Variants in AGO3 observed in about 807,000 individuals in gnomAD.
AGO3 encodes protein argonaute-3.
In AGO3, 16 loss-of-function variants were observed where a neutral mutation model predicts 105.5. That is an observed-to-expected ratio of 0.15 (90% CI 0.10 to 0.23). The LOEUF (loss-of-function observed/expected upper bound fraction) is 0.23. Among genes scored for constraint, AGO3 ranks in the 10% least tolerant of loss-of-function variants. AGO3 has a pLI of 1.00. For synonymous variants in AGO3, 340 were observed against 367.3 expected (o/e 0.93, Z 0.85); for missense variants, 534 against 1,088.0 (o/e 0.49, Z 7.16).
chr1:36,010,488 C>T (rs1309809004), intron 9 of AGO3, among the ~76,000 whole-genome samples: 2 of 151,210 alleles, frequency 1.3e-5, no homozygotes, highest in Non-Finnish European at 3.0e-5. Context: ...TCTGTAATCC[C>T]AGCTAGTCAG....
intron 11 of AGO3, among the ~76,000 whole-genome samples, chr1:36,018,453 GGTT>G (rs1330840460): frequency 6.6e-6 from 1 of 151,050 alleles, no homozygotes; most frequent in Admixed American, 6.6e-5. Context: ...TTTGTTTTTT[GGTT>G]TTTGTTTTGA....
intron 17 of AGO3, among the ~76,000 whole-genome samples, chr1:36,051,971 T>C (rs1642734774): frequency 1.3e-5 from 2 of 152,166 alleles, no homozygotes; most frequent in Admixed American, 1.3e-4. Context: ...TTGGTGGCAA[T>C]GTACATTAGT....
intron 5 of AGO3, among the ~76,000 whole-genome samples, chr1:35,997,503 A>G (rs1409864000): frequency 6.6e-6 from 1 of 152,196 alleles, no homozygotes; most frequent in Admixed American, 6.5e-5. Context: ...ACAAGGGTAC[A>G]GTGTACTGTG....
At chr1:35,940,803 T>C (rs1371193554) in intron 1 of AGO3, among the ~76,000 whole-genome samples, 1 of 152,192 alleles carries the variant, frequency 6.6e-6, no homozygotes, top group African/African-American at 2.4e-5. Context: ...AGGGTACCAC[T>C]CTCTCCAGGT....
At chr1:35,938,800 A>G (rs1459500679) in intron 1 of AGO3, among the ~76,000 whole-genome samples, 1 of 152,174 alleles carries the variant, frequency 6.6e-6, no homozygotes, top group African/African-American at 2.4e-5. Context: ...ATAAGTTAGT[A>G]ATTGGCTATA....
chr1:35,980,354 T>C (rs1054479824), intron 5 of AGO3, among the ~76,000 whole-genome samples: 3 of 152,260 alleles, frequency 2.0e-5, no homozygotes, highest in African/African-American at 7.2e-5. Flanking sequence ...TCATATATTC[T>C]ACTCTTAACA....
At chr1:35,965,473 G>C (rs1475110387) in intron 2 of AGO3, among the ~76,000 whole-genome samples, 1 of 120,520 alleles carries the variant, frequency 8.3e-6, no homozygotes, top group African/African-American at 3.3e-5. Context: ...CTGCGTGACA[G>C]AGCAAGACGC....
chr1:36,029,483 C>T (rs1641667599), intron 12 of AGO3, among the ~76,000 whole-genome samples: 1 of 150,518 alleles, frequency 6.6e-6, no homozygotes, highest in African/African-American at 2.4e-5. Context: ...CAAGCTCTGC[C>T]TCCTGGGTTC....
At chr1:36,003,709 A>AAAAAAAAAAAATATAT (rs1295618675) in intron 5 of AGO3, among the ~76,000 whole-genome samples, 5 of 99,430 alleles carry the variant, frequency 5.0e-5, no homozygotes, top group Non-Finnish European at 9.7e-5. Flanking sequence ...AAAAAAAAAA[A>AAAAAAAAAAAATATAT]ATATATATAT....
chr1:35,995,671 A>G (rs1648261700), intron 5 of AGO3, among the ~76,000 whole-genome samples: 1 of 152,152 alleles, frequency 6.6e-6, no homozygotes, highest in Non-Finnish European at 1.5e-5. Context: ...ATGATCTTGG[A>G]CGAGGCAAAG....
intron 5 of AGO3, among the ~76,000 whole-genome samples, chr1:35,974,005 CA>C (rs1373485590): frequency 1.3e-5 from 2 of 152,128 alleles, no homozygotes; most frequent in Admixed American, 6.5e-5. Context: ...AGCCATTACT[CA>C]GATTGTCAGA....
intron 11 of AGO3, among the ~76,000 whole-genome samples, chr1:36,021,692 A>G (rs1641233875): frequency 6.6e-6 from 1 of 152,220 alleles, no homozygotes; most frequent in African/African-American, 2.4e-5. Context: ...TATGTCAAAG[A>G]TTGAAAACAC....
intron 4 of AGO3, among the ~76,000 whole-genome samples, chr1:35,972,867 T>C (rs1339805135): frequency 6.7e-6 from 1 of 148,692 alleles, no homozygotes; most frequent in Non-Finnish European, 1.5e-5. Context: ...TTTTTTTTTT[T>C]TTTTTTTTTT....
intron 2 of AGO3, among the ~76,000 whole-genome samples, chr1:35,960,256 A>G (rs1300656112): frequency 6.6e-6 from 1 of 152,146 alleles, no homozygotes; most frequent in Non-Finnish European, 1.5e-5. Flanking sequence ...ATTCTAATAA[A>G]CTACCCTTTT....
At chr1:36,002,584 G>A (rs1464422950) in intron 5 of AGO3, among the ~76,000 whole-genome samples, 1 of 151,864 alleles carries the variant, frequency 6.6e-6, no homozygotes, top group African/African-American at 2.4e-5. Flanking sequence ...CACCCGCCTC[G>A]GCCTCCCAAA....
At chr1:36,004,515 G>T (rs747414168) in intron 6 of AGO3, 40 bp downstream of exon 6, 2 of 1,514,770 alleles carry the variant, frequency 1.3e-6, no homozygotes, top group South Asian at 1.3e-5. Context: ...ACTATAAAAT[G>T]CATGGATATA....
At chr1:36,019,952 A>G (rs944602081) in intron 11 of AGO3, among the ~76,000 whole-genome samples, 1 of 152,078 alleles carries the variant, frequency 6.6e-6, no homozygotes, top group African/African-American at 2.4e-5. Context: ...GTATTTTTTA[A>G]GTAGAGACAG....
At position 36,055,184 on chromosome 1, in the gene AGO3, A is replaced by G. The variant is rs991412525; in HGVS notation, c.2474+39A>G. 8.4e-6 allele frequency: 13 copies of G among 1,545,162 alleles called. No individual in the cohort carries two copies. The highest frequency in any genetic ancestry group is 1.1e-5 in the Non-Finnish European group (13 of 1,140,494). On this transcript the variant is annotated intron_variant, in intron 18 of 18. Coordinates refer to ENST00000373191, the MANE Select transcript of AGO3 (RefSeq NM_024852.4). This position sits in a 1 kb window ranked among gnomAD's most constrained non-coding sequence, Gnocchi z 4.4. ...ATAACAGGTTCTCACCCAAATCCCA[A>G]TATTGTCTGCATGGTAGGATTTTCA... is the stretch of plus-strand genomic sequence containing the variant.
intron 9 of AGO3, among the ~76,000 whole-genome samples, chr1:36,012,189 G>A (rs1640647898): frequency 6.6e-6 from 1 of 151,842 alleles, no homozygotes; most frequent in Non-Finnish European, 1.5e-5. Flanking sequence ...ATGTTAATTA[G>A]CCAGGTATGT....
Sources: gnomAD v4.1 joint callset for allele counts (sites outside exome capture counted in the v4.1 genomes callset) on GRCh38, gnomAD v4.1.1 for gene constraint, Gnocchi (gnomAD v3.1) non-coding constraint, MANE v1.5 for transcripts, NCBI Gene and HGNC (gene_info 2026-07-23, HGNC 2026-07-21) for gene names.